Variants in JADE2 observed in about 807,000 individuals in gnomAD.
The protein encoded by JADE2 is E3 ubiquitin-protein ligase Jade-2.
A neutral mutation model predicts 85.7 loss-of-function variants in JADE2; 13 were observed. That is an observed-to-expected ratio of 0.15 (90% CI 0.10 to 0.24). The LOEUF (loss-of-function observed/expected upper bound fraction) is 0.24. JADE2 is among the 10% of genes least tolerant of loss of function. The probability of loss-of-function intolerance (pLI) is 1.00; values close to 1 mark genes in which losing one functional copy is unlikely to be tolerated. For missense variants in JADE2, 846 were observed against 1,115.9 expected (o/e 0.76, Z 3.45); for synonymous variants, 440 against 456.1 (o/e 0.96, Z 0.45).
At chr5:134,531,152 A>G (rs376826441) in intron 1 of JADE2, among the ~76,000 whole-genome samples, 1 of 152,254 alleles carries the variant, frequency 6.6e-6, no homozygotes, top group Non-Finnish European at 1.5e-5. Flanking sequence ...AAAGTCAGAC[A>G]TGCATAGACC....
chr5:134,544,556 T>G (rs1209166604), intron 3 of JADE2: 1 of 165,668 alleles, frequency 6.0e-6, no homozygotes, highest in East Asian at 1.9e-4. Context: ...GGGCAGGAGG[T>G]GGGGAGTGTC....
chr5:134,530,784 A>T (rs1165089884), intron 1 of JADE2, among the ~76,000 whole-genome samples: 1 of 152,094 alleles, frequency 6.6e-6, no homozygotes, highest in Non-Finnish European at 1.5e-5. Context: ...AAAATGTGTG[A>T]GGTTAAGACG....
Position 134,542,524 on chromosome 5 carries a change from C to T in JADE2, c.153+4441C>T, listed in dbSNP as rs541319393. Among the ~76,000 whole-genome samples, 10 of 150,468 alleles carry T rather than the reference C, an allele frequency of 6.6e-5. No individual in the cohort carries two copies. The East Asian group carries it at 1.6e-3, about 24-fold the overall frequency. On this transcript the variant is annotated intron_variant, in intron 3 of 11. Coordinates refer to ENST00000681547, the MANE Select transcript of JADE2 (RefSeq NM_001388185.1). ...TGGTACGATCTCAGCTCACTGCAAC[C>T]TCTGCCTCCTGGGTTCAAGTGATTC...
At chr5:134,548,033 T>G (rs1033825333) in intron 3 of JADE2, among the ~76,000 whole-genome samples, 2 of 151,700 alleles carry the variant, frequency 1.3e-5, no homozygotes, top group Non-Finnish European at 2.9e-5. Flanking sequence ...GGCAAGGGAG[T>G]AGTGTCCCAG....
At position 134,566,536 on chromosome 5, in the gene JADE2, C is replaced by T. The variant is rs751781113; in HGVS notation, c.1390C>T (p.Arg464Cys). ...CCAGCAGGAGCAGGACGTCCTCTACCGCCGCCTGAAGCTCTTCACCCATCT... is the reference window on the plus strand; with the variant it reads ...CCAGCAGGAGCAGGACGTCCTCTACTGCCGCCTGAAGCTCTTCACCCATCT... Reference protein sequence around the residue: ...LAQQEQDVLYRRLKLFTHLRQ... With the variant: ...LAQQEQDVLYCRLKLFTHLRQ... The change falls in exon 9 of 12, where the codon CGC becomes TGC. Residue 464 changes from arginine to cysteine, a missense_variant. By Grantham distance (180) the Arg-to-Cys change is radical (BLOSUM62 -3). Transcript: ENST00000681547. This position sits in a 1 kb window ranked among gnomAD's most constrained non-coding sequence, Gnocchi z 6.7. 2.5e-6 allele frequency: 4 copies of T among 1,587,694 alleles called. No homozygotes were observed. The highest frequency in any genetic ancestry group is 1.1e-5 in the South Asian group (1 of 87,938).
rs1760780496 is a variant in JADE2 at position 134,525,951 on chromosome 5, C to G, written c.-61C>G. 3.0e-6 allele frequency: 3 copies of G among 986,020 alleles called. No homozygotes were observed. The highest frequency in any genetic ancestry group is 9.4e-5 in the South Asian group (2 of 21,296). 61.1% of individuals were successfully genotyped at this position (986,020 alleles called of 1,614,324 possible). On this transcript the variant is annotated 5_prime_UTR_variant, in exon 1 of 12. Coordinates refer to ENST00000681547, the MANE Select transcript of JADE2 (RefSeq NM_001388185.1). ...GGCTTCGGGAGCATCCTTCCCGCGCCGGTCCCTGCAGCGGCGCGTAGCCGA... is the reference window on the plus strand; with the variant it reads ...GGCTTCGGGAGCATCCTTCCCGCGCGGGTCCCTGCAGCGGCGCGTAGCCGA...
intron 1 of JADE2, among the ~76,000 whole-genome samples, chr5:134,528,807 G>T (rs1581384564): frequency 1.3e-5 from 2 of 152,240 alleles, no homozygotes; most frequent in South Asian, 2.1e-4. Flanking sequence ...TGGAGATGAA[G>T]TGTTTAAGGA....
Position 134,566,123 on chromosome 5 carries a change from T to C in JADE2, c.977T>C (p.Met326Thr). Reference protein sequence around the residue: ...ECTGTCIQCSMPSCVTAFHVT... With the variant: ...ECTGTCIQCSTPSCVTAFHVT... ...CCCCTCCTTTCCCCTCAGTGTTCCA[T>C]GCCTTCCTGCGTCACAGCGTTCCAT... The change falls in exon 9 of 12, where the codon ATG (methionine) becomes ACG (threonine). Residue 326 changes from methionine to threonine, a missense_variant. Met to Thr is a moderately conservative substitution (Grantham distance 81, BLOSUM62 -1). Transcript: ENST00000681547. This position sits in a 1 kb window ranked among gnomAD's most constrained non-coding sequence, Gnocchi z 6.7. 1 of 1,612,720 alleles carries C rather than the reference T, an allele frequency of 6.2e-7. No homozygotes were observed. The highest frequency in any genetic ancestry group is 8.5e-7 in the Non-Finnish European group (1 of 1,179,118).
intron 1 of JADE2, among the ~76,000 whole-genome samples, chr5:134,535,139 G>A (rs992136709): frequency 3.3e-5 from 5 of 152,224 alleles, no homozygotes; most frequent in Admixed American, 2.0e-4. Context: ...CGTGAGCTCA[G>A]TATGAGGCCC....
chr5:134,540,067 G>T (rs1348673428), intron 3 of JADE2, among the ~76,000 whole-genome samples: 1 of 152,114 alleles, frequency 6.6e-6, no homozygotes, highest in Non-Finnish European at 1.5e-5. Context: ...GTGGGACAGT[G>T]TTGAAGCTCT....
rs1370911696 is a variant in JADE2, at chr5:134,581,201, G to A, written c.*1884G>A. 1 of 152,572 alleles carries A rather than the reference G, an allele frequency of 6.6e-6. No individual in the cohort carries two copies. The highest frequency in any genetic ancestry group is 1.5e-5 in the Non-Finnish European group (1 of 68,066). The allele number at this position is 152,572 out of a possible 1,614,324, so 9.5% of individuals were successfully genotyped here. On this transcript the variant is annotated 3_prime_UTR_variant, in exon 12 of 12. Coordinates refer to ENST00000681547, the MANE Select transcript of JADE2 (RefSeq NM_001388185.1). ...GGGTGGACTCGGAGGGAGTGGGGTGGGCTTCAAGGATTCTGGGCGTTGGGA... is the reference window on the plus strand; with the variant it reads ...GGGTGGACTCGGAGGGAGTGGGGTGAGCTTCAAGGATTCTGGGCGTTGGGA...
At chr5:134,545,087 A>G (rs1433808632) in intron 3 of JADE2, among the ~76,000 whole-genome samples, 2 of 152,246 alleles carry the variant, frequency 1.3e-5, no homozygotes, top group African/African-American at 4.8e-5. Context: ...GGAGAATCCA[A>G]AAAAAGGTTT....
chr5:134,536,336 T>G (rs1761585411), intron 2 of JADE2, among the ~76,000 whole-genome samples: 1 of 152,192 alleles, frequency 6.6e-6, no homozygotes, highest in Admixed American at 6.5e-5. Flanking sequence ...ATAAGAGGTC[T>G]CTTGTCTTGC....
intron 3 of JADE2, among the ~76,000 whole-genome samples, chr5:134,545,795 A>C (rs2569340): frequency 6.6e-6 from 1 of 152,136 alleles, no homozygotes; most frequent in South Asian, 2.1e-4. Context: ...GTTAGCTGTC[A>C]TTTCTAATGA....
At chr5:134,536,307 A>G (rs1761583571) in intron 2 of JADE2, among the ~76,000 whole-genome samples, 1 of 152,182 alleles carries the variant, frequency 6.6e-6, no homozygotes. Context: ...CCATTTCCCA[A>G]TCAGTGGTAA....
At chr5:134,546,291 C>T (rs905289557) in intron 3 of JADE2, among the ~76,000 whole-genome samples, 4 of 152,170 alleles carry the variant, frequency 2.6e-5, no homozygotes, top group Admixed American at 6.5e-5. Context: ...GCTTGAGCCC[C>T]CCAGGTAGTT....
At chr5:134,573,510 A>G in intron 9 of JADE2, 135 bp from the exon 10 acceptor site, 1 of 717,058 alleles carries the variant, frequency 1.4e-6, no homozygotes, top group Admixed American at 2.3e-5. Flanking sequence ...TGTTTTGCAG[A>G]TGTTCTGGGC....
Position 134,566,745 on chromosome 5 carries a change from G to C in JADE2, c.1434+165G>C, listed in dbSNP as rs1763667288. Reference sequence around the variant, plus strand: ...CCTGCCAAGGGGCTGAGGGCTTTCAGGTCCCAAAGAGTATGGGGGTGACTG... The same window carrying C: ...CCTGCCAAGGGGCTGAGGGCTTTCACGTCCCAAAGAGTATGGGGGTGACTG... On this transcript the variant is annotated intron_variant, in intron 9 of 11. Coordinates refer to ENST00000681547, the MANE Select transcript of JADE2 (RefSeq NM_001388185.1). This position sits in a 1 kb window ranked among gnomAD's most constrained non-coding sequence, Gnocchi z 6.7. Among the ~76,000 whole-genome samples, 1 of 152,198 alleles carries C rather than the reference G, an allele frequency of 6.6e-6. No homozygotes were observed. Among genetic ancestry groups the C allele is most frequent in the Admixed American group, 6.5e-5 (1 of 15,286 alleles).
intron 1 of JADE2, among the ~76,000 whole-genome samples, chr5:134,529,590 C>G (rs189788496): frequency 3.3e-5 from 5 of 152,364 alleles, no homozygotes; most frequent in Admixed American, 2.6e-4. Flanking sequence ...CTAAAAAAGA[C>G]TAAGCCCAAA....
Sources: gnomAD v4.1 joint callset for allele counts (sites outside exome capture counted in the v4.1 genomes callset) on GRCh38, gnomAD v4.1.1 for gene constraint, Gnocchi (gnomAD v3.1) non-coding constraint, MANE v1.5 for transcripts, NCBI Gene and HGNC (gene_info 2026-07-23, HGNC 2026-07-21) for gene names.